Variants in SUCLG2 observed in about 807,000 individuals in gnomAD.
SUCLG2 encodes succinate--CoA ligase [GDP-forming] subunit beta, mitochondrial.
A neutral mutation model predicts 47.9 loss-of-function variants in SUCLG2; 42 were observed. That is an observed-to-expected ratio of 0.88 (90% CI 0.69 to 1.14). The LOEUF is 1.14. Among genes scored for constraint, SUCLG2 ranks in the 50% most tolerant of loss-of-function variants. The pLI, the probability that SUCLG2 is intolerant of heterozygous loss-of-function variation, is 0.00. For synonymous variants in SUCLG2, 195 were observed against 197.3 expected, an observed-to-expected ratio of 0.99 and a Z score of 0.10; for missense variants, 571 against 525.9, an observed-to-expected ratio of 1.09 and a Z score of -0.84.
At chr3:67,557,623 G>T (rs1334125873) in intron 2 of SUCLG2, among the ~76,000 whole-genome samples, 1 of 152,178 alleles carries the variant, frequency 6.6e-6, no homozygotes, top group African/African-American at 2.4e-5. Flanking sequence ...ACACAAACTA[G>T]CTGTAGTCTT....
At chr3:67,538,845 T>G (rs975985024) in intron 2 of SUCLG2, among the ~76,000 whole-genome samples, 1 of 151,930 alleles carries the variant, frequency 6.6e-6, no homozygotes, top group African/African-American at 2.4e-5. Context: ...TCACTCATGA[T>G]TTGGCTCTTT....
In SUCLG2 at chr3:67,395,184, A is replaced by G. The variant is rs1470510079; in HGVS notation, c.1183+5547T>C. Among the ~76,000 whole-genome samples the G allele has an allele frequency of 7.9e-5, 12 of 152,198 alleles. No individual in the cohort carries two copies. The South Asian group carries it at 1.5e-3, about 18-fold the overall frequency. The stretch of plus-strand genomic sequence containing the variant: ...TTCACACATAACAATATTAACTTGA[A>G]ATGTAAATGGACTAAATGCTCCAAT... On this transcript the variant is annotated intron_variant, in intron 10 of 10. Coordinates refer to ENST00000307227, the MANE Select transcript of SUCLG2 (RefSeq NM_003848.4).
At position 67,645,219 on chromosome 3, in the gene SUCLG2, T is replaced by G. The variant is rs190436468; in HGVS notation, c.84+9284A>C. On this transcript the variant is annotated intron_variant, in intron 1 of 10. Transcript: ENST00000307227. ...TCTCCCCACATATTAAAATTATATT[T>G]TATACAAAATATAGTCATAAAAGCT... Among the ~76,000 whole-genome samples the G allele has an allele frequency of 2.0e-5, 3 of 152,274 alleles. No homozygotes were observed. The East Asian group carries it at 5.8e-4, about 29-fold the overall frequency.
rs111819554 is a variant in SUCLG2, at chr3:67,542,127, G to C, written c.227-12941C>G. 2.0e-5 allele frequency among the ~76,000 whole-genome samples: 3 copies of C among 152,058 alleles called. No individual in the cohort carries two copies. The South Asian group carries it at 6.2e-4, about 32-fold the overall frequency. Reference sequence around the variant, plus strand: ...AACCTCAGGTGATCCACCCACCTCAGCCTCCCAAAGTGCTGGGATTACAGG... The same window carrying C: ...AACCTCAGGTGATCCACCCACCTCACCCTCCCAAAGTGCTGGGATTACAGG... On this transcript the variant is annotated intron_variant, in intron 2 of 10. Transcript: ENST00000307227.
intron 10 of SUCLG2, among the ~76,000 whole-genome samples, chr3:67,362,008 T>C (rs543737648): frequency 3.3e-5 from 5 of 152,218 alleles, no homozygotes; most frequent in South Asian, 4.1e-4. Context: ...CCCAGACATG[T>C]GAATAAGCCA....
At chr3:67,619,736 C>T (rs151085402) in intron 1 of SUCLG2, among the ~76,000 whole-genome samples, 106 of 152,280 alleles carry the variant, frequency 7.0e-4, no homozygotes, top group Non-Finnish European at 1.4e-3. Context: ...GTAGTAATGA[C>T]AAATGCCCAA....
At chr3:67,505,419 A>G (rs1705608824) in intron 7 of SUCLG2, among the ~76,000 whole-genome samples, 1 of 152,214 alleles carries the variant, frequency 6.6e-6, no homozygotes, top group Non-Finnish European at 1.5e-5. Context: ...ACTACATTGC[A>G]GTTAGTAGTG....
chr3:67,396,835 G>A (rs1403717265), intron 10 of SUCLG2, among the ~76,000 whole-genome samples: 1 of 152,192 alleles, frequency 6.6e-6, no homozygotes, highest in African/African-American at 2.4e-5. Flanking sequence ...TGATCAAGTG[G>A]TCTTCATCAC....
At chr3:67,590,035 T>A (rs980236848) in intron 2 of SUCLG2, among the ~76,000 whole-genome samples, 3 of 152,184 alleles carry the variant, frequency 2.0e-5, no homozygotes, top group Admixed American at 6.5e-5. Flanking sequence ...ATATGGTGTA[T>A]GGGCCTCTAT....
intron 10 of SUCLG2, among the ~76,000 whole-genome samples, chr3:67,389,874 T>G (rs956227472): frequency 7.2e-5 from 11 of 152,192 alleles, no homozygotes; most frequent in African/African-American, 2.4e-4. Flanking sequence ...TTTATTCATA[T>G]CAATATTAAA....
chr3:67,574,891 C>T (rs1464795084), intron 2 of SUCLG2, among the ~76,000 whole-genome samples: 1 of 152,172 alleles, frequency 6.6e-6, no homozygotes, highest in African/African-American at 2.4e-5. Context: ...AATGGGCAAA[C>T]TATATGGCCA....
chr3:67,592,005 G>A (rs933754274), intron 2 of SUCLG2, among the ~76,000 whole-genome samples: 1 of 152,110 alleles, frequency 6.6e-6, no homozygotes, highest in Non-Finnish European at 1.5e-5. Flanking sequence ...CTTTTGTATT[G>A]ATTGATTTCC....
chr3:67,577,477 AG>A (rs1406869191), intron 2 of SUCLG2, among the ~76,000 whole-genome samples: 2 of 152,370 alleles, frequency 1.3e-5, no homozygotes, highest in Non-Finnish European at 2.9e-5. Flanking sequence ...ACTAAGTAAA[AG>A]AAGACATACA....
chr3:67,647,757 C>T (rs1701216802), intron 1 of SUCLG2, among the ~76,000 whole-genome samples: 1 of 152,206 alleles, frequency 6.6e-6, no homozygotes, highest in Non-Finnish European at 1.5e-5. Context: ...AGACATTCAT[C>T]CCAACTGTGG....
intron 2 of SUCLG2, among the ~76,000 whole-genome samples, chr3:67,607,115 C>T (rs6772251): frequency 0.49 from 74,221 of 151,982 alleles, 19,038 homozygotes; most frequent in African/African-American, 0.64. Flanking sequence ...AGACGCACAA[C>T]TCTTTATTTT....
intron 1 of SUCLG2, among the ~76,000 whole-genome samples, chr3:67,645,974 AG>A (rs1477326394): frequency 4.0e-5 from 6 of 151,058 alleles, no homozygotes; most frequent in African/African-American, 1.5e-4. Flanking sequence ...ATTGATAAGG[AG>A]AAAACCTTAA....
chr3:67,618,992 AT>A (rs1700681857), intron 1 of SUCLG2, among the ~76,000 whole-genome samples: 1 of 152,226 alleles, frequency 6.6e-6, no homozygotes, highest in Admixed American at 6.5e-5. Context: ...ATAGTGCCAC[AT>A]GTCTTATCTA....
At chr3:67,529,716 G>C (rs1029750241) in intron 2 of SUCLG2, among the ~76,000 whole-genome samples, 9 of 152,228 alleles carry the variant, frequency 5.9e-5, no homozygotes, top group African/African-American at 2.2e-4. Flanking sequence ...TTGGGAAAGG[G>C]AGGAGGAAAT....
rs887769020 is a variant in SUCLG2 at position 67,633,032 on chromosome 3, T to C, written c.84+21471A>G. Among the ~76,000 whole-genome samples the C allele has an allele frequency of 2.0e-5, 3 of 152,226 alleles. No homozygotes were observed. The South Asian group carries it at 6.2e-4, about 31-fold the overall frequency. On this transcript the variant is annotated intron_variant, in intron 1 of 10. Coordinates refer to ENST00000307227, the MANE Select transcript of SUCLG2 (RefSeq NM_003848.4). ...TTTTATAATCCTTCATATTGAGATA[T>C]AAATCTGAGCTTGTCCAACGGTGCT... is the stretch of plus-strand genomic sequence containing the variant.
Sources: allele counts gnomAD v4.1 joint callset (sites outside exome capture counted in the v4.1 genomes callset), GRCh38; gene constraint gnomAD v4.1.1; transcripts MANE v1.5; gene names NCBI Gene and HGNC (gene_info 2026-07-23, HGNC 2026-07-21).